SLC13A3: variants seen among roughly 807,000 people sequenced by gnomAD.
SLC13A3 encodes Na(+)/dicarboxylate cotransporter 3.
A neutral mutation model predicts 59.0 loss-of-function variants in SLC13A3; 40 were observed. The observed-to-expected ratio is 0.68, with a 90% CI of 0.53 to 0.88. The LOEUF (loss-of-function observed/expected upper bound fraction) is 0.88, where lower values mean the gene tolerates loss of function less well. SLC13A3 is among the 40% of genes least tolerant of loss of function. SLC13A3 has a pLI of 0.00. For missense variants in SLC13A3, 699 were observed against 783.2 expected (o/e 0.89, Z 1.28); for synonymous variants, 317 against 330.3 (o/e 0.96, Z 0.44).
chr20:46,653,121 G>T (rs1298456097), upstream of SLC13A3, among the ~76,000 whole-genome samples: 1 of 152,092 alleles, frequency 6.6e-6, no homozygotes, highest in African/African-American at 2.4e-5. Context: ...TTACAGTTGA[G>T]TTTTGAAAGT....
intron 4 of SLC13A3, among the ~76,000 whole-genome samples, chr20:46,597,214 T>A (rs1568928075): frequency 6.6e-6 from 1 of 152,186 alleles, no homozygotes; most frequent in South Asian, 2.1e-4. Flanking sequence ...TTGTTTTTCT[T>A]GTACAGTTAA....
intron 9 of SLC13A3, 155 bp downstream of exon 9, chr20:46,583,417 C>T (rs1887408802): frequency 7.0e-7 from 1 of 1,428,472 alleles, no homozygotes; most frequent in Non-Finnish European, 9.1e-7. Context: ...TGGGGCAGCC[C>T]TCAGTCCCCA....
intron 9 of SLC13A3, among the ~76,000 whole-genome samples, chr20:46,581,714 G>A (rs2062140664): frequency 6.6e-6 from 1 of 152,086 alleles, no homozygotes; most frequent in South Asian, 2.1e-4. Flanking sequence ...AAGTGGAGTT[G>A]GCAGAAGCCA....
At chr20:46,668,983 C>T (rs1050859996) in intron 1 of SLC13A3, among the ~76,000 whole-genome samples, 1 of 152,120 alleles carries the variant, frequency 6.6e-6, no homozygotes, top group African/African-American at 2.4e-5. Flanking sequence ...ATGGCTTGAC[C>T]AACATTAATT....
chr20:46,585,784 A>T lies in SLC13A3; in HGVS notation c.1122-2115T>A, dbSNP rs935004036. On this transcript the variant is annotated intron_variant, in intron 8 of 12. Transcript: ENST00000279027. ...CATCTACATTTTAGAAAAATAAAAA[A>T]ATGGTAAGAGCAACAAGAGCTTCAT... The T allele has an allele frequency of 6.2e-6, 8 of 1,285,820 alleles. No individual in the cohort carries two copies. In the African/African-American group the frequency reaches 1.2e-4, roughly 20 times the overall value. 79.7% of individuals were successfully genotyped at this position (1,285,820 alleles called of 1,614,324 possible).
intron 12 of SLC13A3, among the ~76,000 whole-genome samples, chr20:46,560,582 A>G (rs1307795547): frequency 6.6e-6 from 1 of 152,136 alleles, no homozygotes; most frequent in Non-Finnish European, 1.5e-5. Context: ...TAACTTGAAA[A>G]TAATCTTGTC....
chr20:46,560,739 C>T (rs1040318012), intron 12 of SLC13A3, among the ~76,000 whole-genome samples: 4 of 152,144 alleles, frequency 2.6e-5, no homozygotes, highest in South Asian at 2.1e-4. Context: ...CAAGACTACC[C>T]TTGTCCATTG....
intron 3 of SLC13A3, 34 bp downstream of exon 3, chr20:46,610,412 T>A: frequency 6.3e-7 from 1 of 1,578,166 alleles, no homozygotes; most frequent in Non-Finnish European, 8.6e-7. Flanking sequence ...CAAATCCTGG[T>A]GGATTTGGCC....
At chr20:46,579,987 A>C (rs1217679173) in intron 9 of SLC13A3, among the ~76,000 whole-genome samples, 4 of 151,274 alleles carry the variant, frequency 2.6e-5, no homozygotes, top group African/African-American at 9.7e-5. Flanking sequence ...TTTTTTTGAG[A>C]CAGAGTCTTA....
Position 46,589,262 on chromosome 20 carries a change from C to T in SLC13A3, c.921-7G>A, listed in dbSNP as rs777244381. The T allele has an allele frequency of 6.2e-7, 1 of 1,613,804 alleles. No individual in the cohort carries two copies. The highest frequency in any genetic ancestry group is 8.5e-7 in the Non-Finnish European group (1 of 1,179,704). The stretch of plus-strand genomic sequence containing the variant: ...TTTATTCTTCCTCCAGCCCCTGAAA[C>T]AGAAAGTGGGAGATTAGGAGTGGCC... On this transcript the variant is annotated splice_region_variant and splice_polypyrimidine_tract_variant and intron_variant, in intron 6 of 12. Coordinates refer to ENST00000279027, the MANE Select transcript of SLC13A3 (RefSeq NM_022829.6).
upstream of SLC13A3, among the ~76,000 whole-genome samples, chr20:46,656,171 G>T (rs182744946): frequency 1.4e-5 from 2 of 142,040 alleles, no homozygotes; most frequent in Non-Finnish European, 3.0e-5. Context: ...TGTACAGTCT[G>T]TATTATATTG....
At chr20:46,682,470 C>G (rs1380486732) in intron 1 of SLC13A3, 1 of 151,768 alleles carries the variant, frequency 6.6e-6, no homozygotes, top group Non-Finnish European at 1.5e-5. Flanking sequence ...CTCTCTTGGC[C>G]CCATGGACTG....
chr20:46,632,450 C>T (rs1266613792), intron 1 of SLC13A3, among the ~76,000 whole-genome samples: 1 of 116,134 alleles, frequency 8.6e-6, no homozygotes, highest in East Asian at 3.2e-4. Context: ...TGGAAGAAGG[C>T]CAGCCCCCAA....
In SLC13A3 at chr20:46,560,019, G is replaced by T; in HGVS notation, c.*3C>A. On this transcript the variant is annotated 3_prime_UTR_variant, in exon 13 of 13. Coordinates refer to ENST00000279027, the MANE Select transcript of SLC13A3 (RefSeq NM_022829.6). ...CAGCCTCAAGGGAGTCCTCCAGGGG[G>T]ACTCAGAGGGTCCGAAATGTGTCAT... 6.2e-7 allele frequency: 1 copy of T among 1,613,802 alleles called. No homozygotes were observed. The highest frequency in any genetic ancestry group is 8.5e-7 in the Non-Finnish European group (1 of 1,179,886).
intron 11 of SLC13A3, among the ~76,000 whole-genome samples, chr20:46,565,165 T>C (rs899667409): frequency 1.3e-5 from 2 of 152,216 alleles, no homozygotes; most frequent in African/African-American, 4.8e-5. Flanking sequence ...CCTGATCATG[T>C]GTATATTGTT....
At chr20:46,624,736 C>T (rs904584710) in intron 1 of SLC13A3, among the ~76,000 whole-genome samples, 1 of 152,186 alleles carries the variant, frequency 6.6e-6, no homozygotes, top group South Asian at 2.1e-4. Flanking sequence ...ATCCCTCAAC[C>T]CTAGCTGGAC....
intron 12 of SLC13A3, among the ~76,000 whole-genome samples, chr20:46,561,530 CT>C (rs1016032747): frequency 6.6e-6 from 1 of 152,016 alleles, no homozygotes; most frequent in Non-Finnish European, 1.5e-5. Context: ...GAGCTTAATT[CT>C]TTTGTTTTTG....
At chr20:46,605,829 GCC>G (rs1424586708) in intron 3 of SLC13A3, among the ~76,000 whole-genome samples, 1 of 152,130 alleles carries the variant, frequency 6.6e-6, no homozygotes, top group Non-Finnish European at 1.5e-5. Context: ...CACGAAGAGG[GCC>G]CTCAGGAAAG....
chr20:46,611,386 T>C (rs1170005782), intron 2 of SLC13A3, among the ~76,000 whole-genome samples: 1 of 152,162 alleles, frequency 6.6e-6, no homozygotes, highest in African/African-American at 2.4e-5. Context: ...AGTTTCCCCC[T>C]ATCTCCCTAC....
Sources: gnomAD v4.1 joint callset for allele counts (sites outside exome capture counted in the v4.1 genomes callset) on GRCh38, gnomAD v4.1.1 for gene constraint, MANE v1.5 for transcripts, NCBI Gene and HGNC (gene_info 2026-07-23, HGNC 2026-07-21) for gene names.